The following ADAM12 variants were observed in gnomAD, a reference collection of about 807,000 sequenced individuals.
ADAM12 encodes ADAM metallopeptidase domain 12, also known as disintegrin and metalloproteinase domain-containing protein 12.
ADAM12 carries 70 observed loss-of-function variants against 106.4 expected under a neutral mutation model. The ratio of observed to expected loss-of-function variants is 0.66; its 90% confidence interval spans 0.54 to 0.80. The LOEUF is 0.80. ADAM12 is among the 30% of genes least tolerant of loss of function. The pLI is 0.00. For missense variants in ADAM12, 1,010 were observed against 1,171.9 expected (o/e 0.86, Z 2.02); for synonymous variants, 420 against 433.5 (o/e 0.97, Z 0.39).
intron 3 of ADAM12, among the ~76,000 whole-genome samples, chr10:126,190,316 T>G (rs762190660): frequency 6.6e-6 from 1 of 151,958 alleles, no homozygotes; most frequent in Non-Finnish European, 1.5e-5. Context: ...TTCTCCCGCC[T>G]CTGGCTCCTG....
intron 3 of ADAM12, among the ~76,000 whole-genome samples, chr10:126,270,957 T>A (rs1444154902): frequency 6.6e-6 from 1 of 152,196 alleles, no homozygotes; most frequent in African/African-American, 2.4e-5. Flanking sequence ...TGCCTCTCCA[T>A]GTTCTGCCCA....
chr10:126,020,761 C>T (rs1190225923), intron 21 of ADAM12, among the ~76,000 whole-genome samples: 4 of 151,940 alleles, frequency 2.6e-5, no homozygotes, highest in Non-Finnish European at 5.9e-5. Flanking sequence ...GAGGCCGAGG[C>T]GGGCGGATCA....
rs201118512 is a variant in ADAM12 at position 126,084,628 on chromosome 10, G to A, written c.1145+9357C>T. On this transcript the variant is annotated intron_variant, in intron 11 of 22. Transcript: ENST00000448723. ...CAAACATGATAGAAAAAGCAGTCAC[G>A]GTAGATATCTACAAGCCTGCCACCA... 3.3e-5 allele frequency among the ~76,000 whole-genome samples: 5 copies of A among 152,278 alleles called. No homozygotes were observed. In the East Asian group the frequency reaches 7.7e-4, roughly 24 times the overall value.
intron 11 of ADAM12, among the ~76,000 whole-genome samples, chr10:126,081,225 A>G (rs566114862): frequency 3.9e-4 from 59 of 152,196 alleles, no homozygotes; most frequent in African/African-American, 1.4e-3. Context: ...TGACGGCAGG[A>G]AAGGAGTGGA....
chr10:126,075,530 G>C (rs899932268), intron 11 of ADAM12, among the ~76,000 whole-genome samples: 13 of 152,298 alleles, frequency 8.5e-5, no homozygotes, highest in African/African-American at 3.1e-4. Flanking sequence ...GAATGAGTTA[G>C]AAAGAGTAGA....
At chr10:126,110,175 G>A (rs1955844645) in intron 6 of ADAM12, among the ~76,000 whole-genome samples, 1 of 152,074 alleles carries the variant, frequency 6.6e-6, no homozygotes, top group Non-Finnish European at 1.5e-5. Context: ...CTCTAGAACA[G>A]GAGCCAGTCA....
chr10:126,066,868 A>T lies in ADAM12; in HGVS notation c.1324-62T>A. ...ATGGAGTATGCACTCACTGAATGCA[A>T]ACATCACACCTTAAATGGCTGCAAA... On this transcript the variant is annotated intron_variant, in intron 12 of 22. Coordinates refer to ENST00000448723, the MANE Select transcript of ADAM12 (RefSeq NM_001288973.2). This position sits in a 1 kb window ranked among gnomAD's most constrained non-coding sequence, Gnocchi z 5.1. The T allele has an allele frequency of 1.4e-6, 2 of 1,467,642 alleles. No homozygotes were observed. Among genetic ancestry groups the T allele is most frequent in the Non-Finnish European group, 1.9e-6 (2 of 1,051,778 alleles). 90.9% of individuals were successfully genotyped at this position (1,467,642 alleles called of 1,614,324 possible).
chr10:126,156,086 GAAGTATTTCC>G (rs1159892770), intron 3 of ADAM12, among the ~76,000 whole-genome samples: 4 of 152,122 alleles, frequency 2.6e-5, no homozygotes, highest in African/African-American at 9.7e-5. Context: ...ACAACCACAG[GAAGTATTTCC>G]TGTGTAACTA....
At chr10:126,238,422 T>G (rs1438712460) in intron 3 of ADAM12, among the ~76,000 whole-genome samples, 1 of 152,158 alleles carries the variant, frequency 6.6e-6, no homozygotes, top group African/African-American at 2.4e-5. Flanking sequence ...GAGATTGCAG[T>G]GAGCCGAGAT....
At chr10:126,286,157 G>A (rs1959849377) in intron 2 of ADAM12, among the ~76,000 whole-genome samples, 1 of 152,096 alleles carries the variant, frequency 6.6e-6, no homozygotes, top group Non-Finnish European at 1.5e-5. Flanking sequence ...TGAAGGACGG[G>A]ATGACACACA....
intron 3 of ADAM12, among the ~76,000 whole-genome samples, chr10:126,161,154 T>A (rs1626531): frequency 0.55 from 83,874 of 151,640 alleles, 24,106 homozygotes; most frequent in East Asian, 0.75. Context: ...GAGGGCTCCT[T>A]GGTCATCGCT....
intron 3 of ADAM12, among the ~76,000 whole-genome samples, chr10:126,271,003 C>T (rs1412263479): frequency 6.6e-6 from 1 of 152,176 alleles, no homozygotes; most frequent in Non-Finnish European, 1.5e-5. Context: ...TAGCTGCCAG[C>T]CACTGGTCAG....
intron 11 of ADAM12, among the ~76,000 whole-genome samples, chr10:126,077,810 T>C (rs1000156220): frequency 4.6e-5 from 7 of 152,262 alleles, no homozygotes; most frequent in African/African-American, 1.4e-4. Flanking sequence ...TTCCCCCACC[T>C]TTTTATTTTT....
At chr10:126,267,935 G>A (rs1375208752) in intron 3 of ADAM12, among the ~76,000 whole-genome samples, 1 of 152,104 alleles carries the variant, frequency 6.6e-6, no homozygotes, top group Non-Finnish European at 1.5e-5. Context: ...CAAACCAGGA[G>A]CCCAGCTTTG....
chr10:126,121,648 C>T (rs1340844824), intron 5 of ADAM12, among the ~76,000 whole-genome samples: 1 of 150,942 alleles, frequency 6.6e-6, no homozygotes, highest in African/African-American at 2.4e-5. Context: ...TTGCAAACTC[C>T]ATCAGTTTTC....
At chr10:126,130,124 T>C (rs1358588095) in intron 5 of ADAM12, among the ~76,000 whole-genome samples, 2 of 152,200 alleles carry the variant, frequency 1.3e-5, no homozygotes, top group Non-Finnish European at 2.9e-5. Flanking sequence ...ACACCACATT[T>C]AACACAATTT....
At chr10:126,352,085 G>A (rs1251319502) in intron 1 of ADAM12, among the ~76,000 whole-genome samples, 4 of 152,130 alleles carry the variant, frequency 2.6e-5, no homozygotes, top group Non-Finnish European at 4.4e-5. Flanking sequence ...AGGTGTCCTC[G>A]GCGGTGCTGA....
At chr10:126,084,143 C>T (rs1419647095) in intron 11 of ADAM12, among the ~76,000 whole-genome samples, 1 of 152,168 alleles carries the variant, frequency 6.6e-6, no homozygotes, top group Non-Finnish European at 1.5e-5. Flanking sequence ...TCCCTGAAAC[C>T]AATTTAAGTG....
chr10:126,220,574 C>G (rs1003758228), intron 3 of ADAM12, among the ~76,000 whole-genome samples: 2 of 152,184 alleles, frequency 1.3e-5, no homozygotes, highest in Non-Finnish European at 2.9e-5. Context: ...CCATTTGGAA[C>G]ATACTTATAA....
Sources: allele counts gnomAD v4.1 joint callset (sites outside exome capture counted in the v4.1 genomes callset), GRCh38; gene constraint gnomAD v4.1.1; non-coding constraint Gnocchi (gnomAD v3.1); transcripts MANE v1.5; gene names NCBI Gene and HGNC (gene_info 2026-07-23, HGNC 2026-07-21).